NHSL1: variants seen among roughly 807,000 people sequenced by gnomAD.
The protein encoded by NHSL1 is NHS-like protein 1.
A neutral mutation model predicts 95.0 loss-of-function variants in NHSL1; 48 were observed. That is an observed-to-expected ratio of 0.51 (90% CI 0.40 to 0.64). The LOEUF (loss-of-function observed/expected upper bound fraction) is 0.64, where lower values mean the gene tolerates loss of function less well. Among genes scored for constraint, NHSL1 ranks in the 30% least tolerant of loss-of-function variants. The pLI, the probability that NHSL1 is intolerant of heterozygous loss-of-function variation, is 0.00. For synonymous variants in NHSL1, 783 were observed against 833.9 expected, an observed-to-expected ratio of 0.94 and a Z score of 1.05; for missense variants, 1,971 against 2,077.7, an observed-to-expected ratio of 0.95 and a Z score of 1.00.
At chr6:138,447,430 A>G (rs1173417053) in intron 3 of NHSL1, among the ~76,000 whole-genome samples, 1 of 152,144 alleles carries the variant, frequency 6.6e-6, no homozygotes, top group Non-Finnish European at 1.5e-5. Context: ...CTGCTGACCC[A>G]CAAAATCTTT....
chr6:138,644,730 GACAA>G lies in NHSL1; in HGVS notation c.96+47742_96+47745del, dbSNP rs553847982. Among the ~76,000 whole-genome samples the G allele has an allele frequency of 1.1e-3, 160 of 152,166 alleles. No individual in the cohort carries two copies. In the Middle Eastern group the frequency reaches 0.034, roughly 32 times the overall value. On this transcript the variant is annotated intron_variant, in intron 1 of 3. Coordinates refer to the NHSL1 transcript ENST00000491526. ...GGGTGATAAGAAACAAAATGAAGGA[GACAA>G]ACGATAAATTATTATTTCTTAATAA...
chr6:138,664,862 G>A (rs1290359328), intron 1 of NHSL1, among the ~76,000 whole-genome samples: 1 of 152,226 alleles, frequency 6.6e-6, no homozygotes, highest in Non-Finnish European at 1.5e-5. Context: ...GCAGTCTGGA[G>A]ACAGAATTTC....
At chr6:138,458,641 C>A (rs1777784449) in intron 3 of NHSL1, among the ~76,000 whole-genome samples, 1 of 152,056 alleles carries the variant, frequency 6.6e-6, no homozygotes, top group South Asian at 2.1e-4. Flanking sequence ...ATCCTGGCCA[C>A]ATGGTGAAAC....
intron 1 of NHSL1, among the ~76,000 whole-genome samples, chr6:138,588,046 A>C (rs1192183486): frequency 6.6e-6 from 1 of 152,290 alleles, no homozygotes; most frequent in East Asian, 1.9e-4. Flanking sequence ...ATCACATCTC[A>C]GCAGTCTACT....
intron 4 of NHSL1, among the ~76,000 whole-genome samples, chr6:138,444,515 G>A (rs1237467242): frequency 6.6e-6 from 1 of 151,756 alleles, no homozygotes; most frequent in African/African-American, 2.4e-5. Context: ...CAAGCCAGCA[G>A]CTCATGGTGC....
At chr6:138,493,513 GCA>G (rs1465674725) in intron 2 of NHSL1, among the ~76,000 whole-genome samples, 3 of 152,226 alleles carry the variant, frequency 2.0e-5, no homozygotes, top group Admixed American at 2.0e-4. Flanking sequence ...TGGGAGTGAA[GCA>G]CAGTTTCCTG....
chr6:138,569,851 A>G (rs1277534952), intron 1 of NHSL1, among the ~76,000 whole-genome samples: 1 of 152,150 alleles, frequency 6.6e-6, no homozygotes, highest in Non-Finnish European at 1.5e-5. Flanking sequence ...ACCGTATGTC[A>G]AAAATCATAT....
In NHSL1 at chr6:138,496,155, T is replaced by C. The variant is rs2128285144; in HGVS notation, c.211+64A>G. The C allele has an allele frequency of 3.4e-6, 5 of 1,490,538 alleles. No homozygotes were observed. The East Asian group carries it at 9.9e-5, about 29-fold the overall frequency. 92.3% of individuals were successfully genotyped at this position (1,490,538 alleles called of 1,614,324 possible). A position where few individuals can be genotyped will look rare whatever the true frequency, so the allele number is the denominator to read the frequency against. ...GTAGAGCTGGTTTTATAAATAGATA[T>C]CAAATTTATGCTCTCAGCAGCCAGT... On this transcript the variant is annotated intron_variant, in intron 2 of 7. Transcript: ENST00000343505.
chr6:138,552,461 G>T (rs188489922), intron 1 of NHSL1, among the ~76,000 whole-genome samples: 1 of 152,168 alleles, frequency 6.6e-6, no homozygotes, highest in East Asian at 1.9e-4. Context: ...TCCTGAGCCA[G>T]TTCTTGAGGT....
intron 1 of NHSL1, 99 bp downstream of exon 1, chr6:138,499,130 CATGG>C: frequency 4.2e-6 from 3 of 716,822 alleles, no homozygotes; most frequent in Non-Finnish European, 4.4e-6. Flanking sequence ...AAAACACACA[CATGG>C]ACACACACAC....
At chr6:138,571,691 T>G in intron 1 of NHSL1, 1 of 1,548,542 alleles carries the variant, frequency 6.5e-7, no homozygotes, top group Non-Finnish European at 8.7e-7. Context: ...ATGTTTAAAT[T>G]TTTTAAAAAT....
At chr6:138,651,166 T>C (rs754667933) in intron 1 of NHSL1, among the ~76,000 whole-genome samples, 1 of 152,258 alleles carries the variant, frequency 6.6e-6, no homozygotes, top group Non-Finnish European at 1.5e-5. Flanking sequence ...GTATTACAAC[T>C]GACCTTTATT....
chr6:138,475,223 C>G (rs1778994524), intron 2 of NHSL1, among the ~76,000 whole-genome samples: 1 of 149,354 alleles, frequency 6.7e-6, no homozygotes, highest in South Asian at 2.1e-4. Context: ...TAGTAGTTTT[C>G]TTCTTTTTTT....
intron 1 of NHSL1, among the ~76,000 whole-genome samples, chr6:138,581,108 G>A (rs1224965777): frequency 6.6e-6 from 1 of 152,204 alleles, no homozygotes; most frequent in Non-Finnish European, 1.5e-5. Context: ...AGCTATGAGG[G>A]AATAAATTTC....
chr6:138,596,731 G>C (rs1784306924), intron 1 of NHSL1, among the ~76,000 whole-genome samples: 1 of 151,788 alleles, frequency 6.6e-6, no homozygotes, highest in African/African-American at 2.4e-5. Flanking sequence ...AGTTTTTTAA[G>C]TTCACGTCCG....
At chr6:138,655,108 G>C (rs1265099634) in intron 1 of NHSL1, among the ~76,000 whole-genome samples, 1 of 152,114 alleles carries the variant, frequency 6.6e-6, no homozygotes, top group African/African-American at 2.4e-5. Context: ...TCTAAAACAA[G>C]GAGGGAAAGA....
intron 1 of NHSL1, among the ~76,000 whole-genome samples, chr6:138,529,190 G>C (rs997277141): frequency 2.0e-5 from 3 of 152,134 alleles, no homozygotes; most frequent in Admixed American, 1.3e-4. Context: ...TGTTCCAGGG[G>C]TCAGAGAAAG....
At chr6:138,666,679 C>T (rs541873491) in intron 1 of NHSL1, among the ~76,000 whole-genome samples, 1 of 150,680 alleles carries the variant, frequency 6.6e-6, no homozygotes, top group Admixed American at 6.6e-5. Context: ...AGAAAAAACA[C>T]TCAAGTCACA....
chr6:138,662,534 T>A (rs1785239995), intron 1 of NHSL1, among the ~76,000 whole-genome samples: 2 of 152,224 alleles, frequency 1.3e-5, no homozygotes. Context: ...GCTAGTCCTT[T>A]GGTCTTACAT....
Sources: gnomAD v4.1 joint callset for allele counts (sites outside exome capture counted in the v4.1 genomes callset) on GRCh38, gnomAD v4.1.1 for gene constraint, MANE v1.5 for transcripts, NCBI Gene and HGNC (gene_info 2026-07-23, HGNC 2026-07-21) for gene names.